Variants in LIPK observed in about 807,000 individuals in gnomAD.
LIPK encodes the protein lipase family member K, also known as lipase member K.
LIPK carries 32 observed loss-of-function variants against 48.6 expected under a neutral mutation model. The observed-to-expected ratio is 0.66, with a 90% CI of 0.50 to 0.88. The LOEUF (loss-of-function observed/expected upper bound fraction) is 0.88. LIPK is among the 40% of genes least tolerant of loss of function. The probability of loss-of-function intolerance (pLI) is 0.00; values close to 1 mark genes in which losing one functional copy is unlikely to be tolerated. For missense variants in LIPK, 507 were observed against 478.5 expected (o/e 1.06, Z -0.56); for synonymous variants, 164 against 157.4 (o/e 1.04, Z -0.32).
At chr10:88,709,385 T>C (rs1841988207) in intron 1 of LIPK, among the ~76,000 whole-genome samples, 1 of 152,194 alleles carries the variant, frequency 6.6e-6, no homozygotes, top group Non-Finnish European at 1.5e-5. Flanking sequence ...GCTGCACCTA[T>C]CAACCCGTCA....
intron 4 of LIPK, 121 bp downstream of exon 4, chr10:88,731,302 C>G (rs568729999): frequency 1.2e-6 from 1 of 823,048 alleles, no homozygotes; most frequent in African/African-American, 1.8e-5. Context: ...AAGAAGGAAA[C>G]AAACCTTTCT....
intron 1 of LIPK, among the ~76,000 whole-genome samples, chr10:88,723,771 T>C (rs943434663): frequency 1.3e-5 from 2 of 152,088 alleles, no homozygotes; most frequent in African/African-American, 2.4e-5. Flanking sequence ...ATTTGATGTT[T>C]AGGTTTTTTT....
intron 7 of LIPK, among the ~76,000 whole-genome samples, chr10:88,738,785 T>C (rs1043762787): frequency 6.6e-6 from 1 of 152,202 alleles, no homozygotes; most frequent in Admixed American, 6.5e-5. Flanking sequence ...ATGGACACCT[T>C]TTGTCAGATC....
intron 7 of LIPK, 33 bp downstream of exon 7, chr10:88,737,814 T>G (rs1309658236): frequency 8.7e-6 from 14 of 1,609,324 alleles, no homozygotes; most frequent in Non-Finnish European, 1.2e-5. Flanking sequence ...GGGAAAACAT[T>G]TGTTTTGTTG....
chr10:88,743,416 C>T, intron 9 of LIPK, 95 bp downstream of exon 9: 1 of 840,778 alleles, frequency 1.2e-6, no homozygotes, highest in Non-Finnish European at 2.0e-6. Flanking sequence ...CATTTAACCA[C>T]ACTGGATATT....
At chr10:88,737,473 T>C (rs1842595633) in intron 6 of LIPK, among the ~76,000 whole-genome samples, 162 bp from the exon 7 acceptor site, 1 of 152,178 alleles carries the variant, frequency 6.6e-6, no homozygotes, top group African/African-American at 2.4e-5. Flanking sequence ...AAGAGGTGCA[T>C]TGGAAGGATT....
At chr10:88,724,422 C>A in intron 1 of LIPK, 111 bp from the exon 2 acceptor site, 1 of 677,272 alleles carries the variant, frequency 1.5e-6, no homozygotes. Context: ...AAAGCACAGC[C>A]TAGAAGTATG....
Position 88,732,276 on chromosome 10 carries a change from G to T in LIPK, c.521G>T (p.Gly174Val), listed in dbSNP as rs1455236433. 1.2e-6 allele frequency: 2 copies of T among 1,613,458 alleles called. No individual in the cohort carries two copies. The highest frequency in any genetic ancestry group is 4.5e-5 in the East Asian group (2 of 44,876). The change falls in exon 5 of 10, where the codon GGC becomes GTC. Residue 174 changes from glycine to valine, a missense_variant. Gly to Val is a moderately radical substitution (Grantham distance 109, BLOSUM62 -3). Coordinates refer to ENST00000404190, the MANE Select transcript of LIPK (RefSeq NM_001080518.2). Reference sequence around the variant, plus strand: ...CTCTACTACGTGGGCCACTCACAAGGCACCACCATAGGTGTGTTTGGGGCA... The same window carrying T: ...CTCTACTACGTGGGCCACTCACAAGTCACCACCATAGGTGTGTTTGGGGCA... ...KRLYYVGHSQ[G>V]TTIAFIAFST...
At chr10:88,751,514 C>T (rs938407479) in intron 9 of LIPK, among the ~76,000 whole-genome samples, 2 of 152,098 alleles carry the variant, frequency 1.3e-5, no homozygotes, top group Non-Finnish European at 2.9e-5. Flanking sequence ...CGTGAGCCAC[C>T]ATGCCCAGCC....
Position 88,732,571 on chromosome 10 carries a change from T to G in LIPK, c.669+20T>G, listed in dbSNP as rs758422301. 2 of 1,582,028 alleles carry G rather than the reference T, an allele frequency of 1.3e-6. No homozygotes were observed. Among genetic ancestry groups the G allele is most frequent in the Non-Finnish European group, 1.7e-6 (2 of 1,169,522 alleles). On this transcript the variant is annotated intron_variant, in intron 6 of 9. Coordinates refer to ENST00000404190, the MANE Select transcript of LIPK (RefSeq NM_001080518.2). ...GTTAAGGTATGTGACTTCCCAAGTT[T>G]TAATCTGAAATAACTAAAAGTAGCT...
chr10:88,729,256 G>T (rs200407587), intron 3 of LIPK, among the ~76,000 whole-genome samples: 1 of 112,080 alleles, frequency 8.9e-6, no homozygotes, highest in South Asian at 3.7e-4. Context: ...ATCTGTTGGG[G>T]GGGGGGGGCG....
At position 88,731,114 on chromosome 10, in the gene LIPK, C is replaced by T. The variant is rs1252905443; in HGVS notation, c.355C>T (p.Arg119Ter). The T allele has an allele frequency of 4.4e-6, 7 of 1,605,964 alleles. No homozygotes were observed. The highest frequency in any genetic ancestry group is 1.7e-4 in the Middle Eastern group (1 of 6,044). ...SGYDVWLGNS[R>*]GNTWSRKHLK... The stretch of plus-strand genomic sequence containing the variant: ...TTATGACGTGTGGTTGGGGAACAGC[C>T]GAGGAAACACTTGGTCCAGAAAACA... The change falls in exon 4 of 10, where the codon CGA becomes TGA. Residue 119 changes from arginine to a stop codon, truncating the protein, a stop_gained. Transcript: ENST00000404190. LOFTEE classifies it high-confidence loss of function.
At chr10:88,736,869 A>G (rs1167296418) in intron 6 of LIPK, among the ~76,000 whole-genome samples, 1 of 152,240 alleles carries the variant, frequency 6.6e-6, no homozygotes, top group African/African-American at 2.4e-5. Flanking sequence ...CTGGTTAATA[A>G]AGAATTCTAG....
chr10:88,715,778 CTCTT>C (rs1045171441), intron 1 of LIPK, among the ~76,000 whole-genome samples: 50 of 150,626 alleles, frequency 3.3e-4, no homozygotes, highest in African/African-American at 9.8e-4. Flanking sequence ...CTTTCTCTCT[CTCTT>C]TCTTTCTCCT....
intron 1 of LIPK, among the ~76,000 whole-genome samples, chr10:88,713,072 A>G (rs1842052717): frequency 1.3e-5 from 2 of 152,226 alleles, no homozygotes; most frequent in African/African-American, 4.8e-5. Flanking sequence ...CACAGGAGAC[A>G]CAGTATAGAG....
intron 1 of LIPK, among the ~76,000 whole-genome samples, chr10:88,718,298 T>C (rs867985521): frequency 1.3e-5 from 2 of 148,644 alleles, no homozygotes; most frequent in Admixed American, 6.7e-5. Flanking sequence ...TTTATATATA[T>C]AGATCTATAT....
chr10:88,738,829 C>T (rs1667969409), intron 7 of LIPK, among the ~76,000 whole-genome samples: 1 of 152,204 alleles, frequency 6.6e-6, no homozygotes, highest in Non-Finnish European at 1.5e-5. Context: ...GCAAAACTTA[C>T]AGAATATTAC....
chr10:88,737,835 A>G lies in LIPK; in HGVS notation c.816+54A>G, dbSNP rs747362787. On this transcript the variant is annotated intron_variant, in intron 7 of 9. Transcript: ENST00000404190. ...ACATTTGTTTTGTTGCACAGAAGTG[A>G]TGAAAGTTATCCTGGATTGTATGGC... 3 of 1,581,706 alleles carry G rather than the reference A, an allele frequency of 1.9e-6. No homozygotes were observed. The Admixed American group carries it at 5.1e-5, about 27-fold the overall frequency.
Position 88,750,462 on chromosome 10 carries a change from T to C in LIPK, c.961-2055T>C, listed in dbSNP as rs116639197. Among the ~76,000 whole-genome samples the C allele has an allele frequency of 4.6e-3, 696 of 152,258 alleles. 3 individuals carry two copies. The highest frequency in any genetic ancestry group is 0.016 in the African/African-American group (660 of 41,538). On this transcript the variant is annotated intron_variant, in intron 9 of 9. Transcript: ENST00000404190. ...GGTACATATACACCATGGAATACTA[T>C]GCAGCTATTGAAAAGAATGAAATAA...
Sources: gnomAD v4.1 joint callset for allele counts (sites outside exome capture counted in the v4.1 genomes callset) on GRCh38, gnomAD v4.1.1 for gene constraint, MANE v1.5 for transcripts, NCBI Gene and HGNC (gene_info 2026-07-23, HGNC 2026-07-21) for gene names.